The following COG4 variants were observed in gnomAD, a reference collection of about 807,000 sequenced individuals.
COG4 encodes conserved oligomeric Golgi complex subunit 4.
COG4 carries 65 observed loss-of-function variants against 95.1 expected under a neutral mutation model. That is an observed-to-expected ratio of 0.68 (90% CI 0.56 to 0.84). The LOEUF is 0.84. Among genes scored for constraint, COG4 ranks in the 40% least tolerant of loss-of-function variants. The probability of loss-of-function intolerance (pLI) is 0.00; values close to 1 mark genes in which losing one functional copy is unlikely to be tolerated. For missense variants in COG4, 1,045 were observed against 989.1 expected, an observed-to-expected ratio of 1.06 and a Z score of -0.76; for synonymous variants, 421 against 374.8, an observed-to-expected ratio of 1.12 and a Z score of -1.42.
At position 70,488,893 on chromosome 16, in the gene COG4, C is replaced by T. The variant is rs950328239; in HGVS notation, c.1710+1437G>A. 9.8e-5 allele frequency among the ~76,000 whole-genome samples: 15 copies of T among 152,288 alleles called. No individual in the cohort carries two copies. The Middle Eastern group carries it at 0.01, about 104-fold the overall frequency. The stretch of plus-strand genomic sequence containing the variant: ...AACTGTTAATACAACTAATAAGTAC[C>T]ACTGCATGCCTCTCATGTACTAAGT... On this transcript the variant is annotated intron_variant, in intron 13 of 18. Coordinates refer to ENST00000323786, the MANE Select transcript of COG4 (RefSeq NM_015386.3).
At chr16:70,488,616 C>T (rs1174818654) in intron 13 of COG4, among the ~76,000 whole-genome samples, 2 of 152,072 alleles carry the variant, frequency 1.3e-5, no homozygotes, top group African/African-American at 2.4e-5. Flanking sequence ...GACGCAATCT[C>T]GGCTCACTGC....
At chr16:70,510,223 G>C (rs556673962) in intron 5 of COG4, among the ~76,000 whole-genome samples, 3 of 152,334 alleles carry the variant, frequency 2.0e-5, no homozygotes, top group Non-Finnish European at 4.4e-5. Context: ...GCATGGTGTA[G>C]CTCCTCTTCC....
chr16:70,490,403 A>G lies in COG4; in HGVS notation c.1648-11T>C, dbSNP rs1355632413. ...GTTGTTCAGAGTCACCTGGGAGATG[A>G]GGAAGGAAGAACGTGACTTCCTGCT... On this transcript the variant is annotated splice_polypyrimidine_tract_variant and intron_variant, in intron 12 of 18. Coordinates refer to ENST00000323786, the MANE Select transcript of COG4 (RefSeq NM_015386.3). 1 of 1,612,544 alleles carries G rather than the reference A, an allele frequency of 6.2e-7. No homozygotes were observed. The highest frequency in any genetic ancestry group is 1.3e-5 in the African/African-American group (1 of 74,906).
intron 3 of COG4, among the ~76,000 whole-genome samples, chr16:70,515,478 G>A (rs2049802356): frequency 6.6e-6 from 1 of 152,134 alleles, no homozygotes; most frequent in African/African-American, 2.4e-5. Flanking sequence ...GAGGTCAGGA[G>A]TTTGAGACCA....
At chr16:70,510,889 G>A (rs1017665093) in intron 5 of COG4, among the ~76,000 whole-genome samples, 5 of 151,146 alleles carry the variant, frequency 3.3e-5, no homozygotes, top group African/African-American at 2.4e-5. Flanking sequence ...TCAGCTTCCC[G>A]AGTGGTTGGG....
chr16:70,484,012 C>T (rs2049074891), intron 13 of COG4, 43 bp from the exon 14 acceptor site: 8 of 1,435,182 alleles, frequency 5.6e-6, no homozygotes, highest in Middle Eastern at 1.9e-4. Flanking sequence ...CACGCGTGGG[C>T]CATGGGAGTG....
Position 70,504,521 on chromosome 16 carries a change from T to A in COG4, c.1062-3430A>T, listed in dbSNP as rs556737309. Among the ~76,000 whole-genome samples, 9 of 150,888 alleles carry A rather than the reference T, an allele frequency of 6.0e-5. No individual in the cohort carries two copies. The South Asian group carries it at 1.7e-3, about 28-fold the overall frequency. On this transcript the variant is annotated intron_variant, in intron 8 of 18. Coordinates refer to ENST00000323786, the MANE Select transcript of COG4 (RefSeq NM_015386.3). ...ACTCAGGAGGCAGAGGCACGAGAACTGCTTGATCCTGGGAGGCGGAGATTG... is the reference window on the plus strand; with the variant it reads ...ACTCAGGAGGCAGAGGCACGAGAACAGCTTGATCCTGGGAGGCGGAGATTG...
chr16:70,480,856 G>T lies in COG4; in HGVS notation c.*154C>A. ...GCCAGGTCTGAGGGCAGAGCATGGA[G>T]TGGGTCCAGACTTTGTTTCTCTGCT... On this transcript the variant is annotated 3_prime_UTR_variant, in exon 19 of 19. Coordinates refer to ENST00000323786, the MANE Select transcript of COG4 (RefSeq NM_015386.3). The T allele has an allele frequency of 3.5e-6, 3 of 853,962 alleles. No homozygotes were observed. In the Admixed American group the frequency reaches 5.9e-5, roughly 17 times the overall value. The allele number at this position is 853,962 out of a possible 1,614,324, so 52.9% of individuals were successfully genotyped here.
In COG4 at chr16:70,523,454, G is replaced by C; in HGVS notation, c.90C>G (p.Ser30=). ...PSEGVGGGRC[S]EISAELIRSL... ...AGCGAATGAGCTCAGCGGAGATTTCGGAGCAGCGGCCACCTCCCACCCCCT... is the reference window on the plus strand; with the variant it reads ...AGCGAATGAGCTCAGCGGAGATTTCCGAGCAGCGGCCACCTCCCACCCCCT... Residue 30 remains serine, a synonymous_variant, in exon 1 of 19, where the codon TCC becomes TCG. Coordinates refer to ENST00000323786, the MANE Select transcript of COG4 (RefSeq NM_015386.3). 1 of 1,614,058 alleles carries C rather than the reference G, an allele frequency of 6.2e-7. No homozygotes were observed. Among genetic ancestry groups the C allele is most frequent in the Non-Finnish European group, 8.5e-7 (1 of 1,180,014 alleles).
intron 12 of COG4, among the ~76,000 whole-genome samples, chr16:70,492,325 C>T (rs1012524738): frequency 6.6e-6 from 1 of 152,194 alleles, no homozygotes; most frequent in African/African-American, 2.4e-5. Flanking sequence ...TTTCATAACA[C>T]GACTGTCTTA....
chr16:70,491,085 T>C (rs945152559), intron 12 of COG4, among the ~76,000 whole-genome samples: 2 of 152,142 alleles, frequency 1.3e-5, no homozygotes, highest in Admixed American at 1.3e-4. Context: ...CTGACATTCA[T>C]TAAAGAAAAG....
chr16:70,490,183 T>G (rs2049215474), intron 13 of COG4, 147 bp downstream of exon 13: 1 of 733,896 alleles, frequency 1.4e-6, no homozygotes. Context: ...CAAGGATGCC[T>G]TGCTATCATG....
At chr16:70,501,348 CTTCTT>C (rs1428492513) in intron 8 of COG4, 1 of 496,038 alleles carries the variant, frequency 2.0e-6, no homozygotes, top group Non-Finnish European at 3.7e-6. Flanking sequence ...GGAGATGTGT[CTTCTT>C]TTCTTTACTT....
chr16:70,497,939 T>A lies in COG4; in HGVS notation c.1312A>T (p.Lys438Ter). 6.4e-6 allele frequency: 10 copies of A among 1,556,462 alleles called. No individual in the cohort carries two copies. The highest frequency in any genetic ancestry group is 8.9e-6 in the Non-Finnish European group (10 of 1,127,548). ...EEYFMRETVN[K>*]AVALDTYEKG... ...AAGAGATGCGTCCTATGTCCTACCT[T>A]ATTGACAGTCTCCCTCATGAAGTAC... is the stretch of plus-strand genomic sequence containing the variant. The change falls in exon 10 of 19, where the codon AAG (lysine) becomes TAG (stop). Residue 438 changes from lysine (K) to a stop codon, truncating the protein, a stop_gained and splice_region_variant. Transcript: ENST00000323786. LOFTEE classifies it high-confidence loss of function.
At chr16:70,484,098 T>A in intron 13 of COG4, 129 bp from the exon 14 acceptor site, 1 of 741,316 alleles carries the variant, frequency 1.3e-6, no homozygotes, top group Admixed American at 1.9e-5. Flanking sequence ...TCAGAAAACC[T>A]GGATTCTATC....
Position 70,508,438 on chromosome 16 carries a change from C to A in COG4, c.1029G>T (p.Met343Ile). 6.2e-7 allele frequency: 1 copy of A among 1,614,140 alleles called. No homozygotes were observed. Among genetic ancestry groups the A allele is most frequent in the South Asian group, 1.1e-5 (1 of 91,074 alleles). The change falls in exon 8 of 19, where the codon ATG becomes ATT. Residue 343 changes from methionine to isoleucine, a missense_variant. Transcript: ENST00000323786. Reference protein sequence around the residue: ...QQFRHVQNNLMRNSTTEKIEP... With the variant: ...QQFRHVQNNLIRNSTTEKIEP... ...CGATTTTTTCTGTTGTAGAATTTCT[C>A]ATCAGGTTGTTCTGAACATGCCGGA...
At position 70,501,163 on chromosome 16, in the gene COG4, G is replaced by A; in HGVS notation, c.1062-72C>T. 2.6e-6 allele frequency: 4 copies of A among 1,565,378 alleles called. No homozygotes were observed. In the East Asian group the frequency reaches 6.7e-5, roughly 26 times the overall value. On this transcript the variant is annotated intron_variant, in intron 8 of 18. Transcript: ENST00000323786. ...AGACACAAGAGCTACAGGGCAAAGA[G>A]AGTCCCAAATTCCCCCTCCCCACTG...
In COG4 at chr16:70,501,818, A is replaced by AT. The variant is rs746516643; in HGVS notation, c.1062-728dup. On this transcript the variant is annotated intron_variant, in intron 8 of 18. Coordinates refer to ENST00000323786, the MANE Select transcript of COG4 (RefSeq NM_015386.3). ...AGGAGTGTGCCACCCCACCTGGCAGATTTTTTTTTTTTTTTTCAGATTTTT... is the reference window on the plus strand; with the variant it reads ...AGGAGTGTGCCACCCCACCTGGCAGATTTTTTTTTTTTTTTTTCAGATTTTT... 9.4e-3 allele frequency among the ~76,000 whole-genome samples: 1,274 copies of AT among 136,210 alleles called. 14 individuals are homozygous for AT. Among genetic ancestry groups the AT allele is most frequent in the African/African-American group, 0.025 (955 of 38,008 alleles). The allele number at this position is 136,210 out of a possible 152,430, so 89.4% of individuals were successfully genotyped here.
intron 13 of COG4, among the ~76,000 whole-genome samples, chr16:70,489,380 G>C (rs1005328088): frequency 3.3e-5 from 5 of 151,572 alleles, no homozygotes; most frequent in African/African-American, 7.3e-5. Context: ...ACCATGGCTG[G>C]CTCATTTTTT....
Sources: allele counts gnomAD v4.1 joint callset (sites outside exome capture counted in the v4.1 genomes callset), GRCh38; gene constraint gnomAD v4.1.1; transcripts MANE v1.5; gene names NCBI Gene and HGNC (gene_info 2026-07-23, HGNC 2026-07-21).